Variants in RPTOR observed in about 807,000 individuals in gnomAD.
RPTOR encodes regulatory associated protein of MTOR complex 1, also known as regulatory-associated protein of mTOR.
A neutral mutation model predicts 169.9 loss-of-function variants in RPTOR; 21 were observed. The observed-to-expected ratio is 0.12, with a 90% CI of 0.09 to 0.18. The LOEUF is 0.18. Ranked by LOEUF, RPTOR falls within the 10% of genes least tolerant of loss-of-function variation. The probability of loss-of-function intolerance (pLI) is 1.00; values close to 1 mark genes in which losing one functional copy is unlikely to be tolerated. For missense variants in RPTOR, 1,133 were observed against 1,855.9 expected (o/e 0.61, Z 7.16); for synonymous variants, 732 against 753.2 (o/e 0.97, Z 0.46).
In RPTOR at chr17:80,562,762, A is replaced by G. The variant is rs1432232080; in HGVS notation, c.162+16971A>G. Among the ~76,000 whole-genome samples the G allele has an allele frequency of 6.7e-6, 1 of 149,242 alleles. No individual in the cohort carries two copies. The highest frequency in any genetic ancestry group is 2.5e-5 in the African/African-American group (1 of 40,434). On this transcript the variant is annotated intron_variant, in intron 1 of 33. Coordinates refer to ENST00000306801, the MANE Select transcript of RPTOR (RefSeq NM_020761.3). This position sits in a 1 kb window ranked among gnomAD's most constrained non-coding sequence, Gnocchi z 4.4. ...CTGCGCCACTGCACCCCATCCTGGC[A>G]ACAGAGCAAGACTCTTGTCTCAAAA...
intron 3 of RPTOR, among the ~76,000 whole-genome samples, chr17:80,700,289 T>C (rs895349049): frequency 3.9e-5 from 6 of 152,292 alleles, no homozygotes; most frequent in Middle Eastern, 3.4e-3. Flanking sequence ...GAAGGACCTA[T>C]TGAGTTTTGG....
intron 1 of RPTOR, among the ~76,000 whole-genome samples, chr17:80,559,522 G>A (rs375654292): frequency 4.6e-5 from 7 of 152,206 alleles, no homozygotes; most frequent in Non-Finnish European, 7.3e-5. Context: ...AGCCACGAAC[G>A]TGTGCATTTA....
chr17:80,743,564 G>A, intron 5 of RPTOR: 1 of 502,548 alleles, frequency 2.0e-6, no homozygotes, highest in South Asian at 8.5e-5. Flanking sequence ...GTGCCTGCGT[G>A]GGCTAGAAAT....
At chr17:80,592,292 G>A (rs1046143058) in intron 1 of RPTOR, among the ~76,000 whole-genome samples, 3 of 152,226 alleles carry the variant, frequency 2.0e-5, no homozygotes, top group Non-Finnish European at 4.4e-5. Context: ...CAACTCAGGT[G>A]TGCTAGAGAT....
intron 5 of RPTOR, among the ~76,000 whole-genome samples, chr17:80,735,736 C>T (rs986630037): frequency 1.9e-4 from 29 of 152,066 alleles, no homozygotes; most frequent in Admixed American, 2.0e-4. Context: ...CTCCACTGCC[C>T]CAGTAAGTCT....
intron 6 of RPTOR, among the ~76,000 whole-genome samples, chr17:80,763,616 C>G (rs1423914701): frequency 6.6e-6 from 1 of 152,148 alleles, no homozygotes; most frequent in Non-Finnish European, 1.5e-5. Context: ...AATTAATTAG[C>G]CAGACCTCAC....
At position 80,803,562 on chromosome 17, in the gene RPTOR, GCCAGCTCGTCAGCGGGGCCTCGGGTT is replaced by G. The variant is rs1439204214; in HGVS notation, c.890+12058_890+12083del. 1.3e-5 allele frequency: 2 copies of G among 152,242 alleles called. No homozygotes were observed. Among genetic ancestry groups the G allele is most frequent in the Non-Finnish European group, 2.9e-5 (2 of 68,064 alleles). 9.4% of individuals were successfully genotyped at this position (152,242 alleles called of 1,614,324 possible). On this transcript the variant is annotated intron_variant, in intron 7 of 33. Coordinates refer to ENST00000306801, the MANE Select transcript of RPTOR (RefSeq NM_020761.3). This position sits in a 1 kb window ranked among gnomAD's most constrained non-coding sequence, Gnocchi z 6.2. ...GATGCCAGTATGTTTTGCGTGAGTGGCCAGCTCGTCAGCGGGGCCTCGGGTTCCAGGCTCGAGCGCACTTTTCAGAC... is the reference window on the plus strand; with the variant it reads ...GATGCCAGTATGTTTTGCGTGAGTGGCCAGGCTCGAGCGCACTTTTCAGAC...
intron 5 of RPTOR, among the ~76,000 whole-genome samples, chr17:80,737,592 C>T (rs1442892384): frequency 6.6e-6 from 1 of 152,166 alleles, no homozygotes; most frequent in Non-Finnish European, 1.5e-5. Flanking sequence ...TTCCACTTCC[C>T]TTCTCTGCAT....
chr17:80,551,907 G>A (rs2084350650), intron 1 of RPTOR, among the ~76,000 whole-genome samples: 1 of 151,970 alleles, frequency 6.6e-6, no homozygotes. Context: ...CTGGGTACTT[G>A]AGATTAGGGA....
chr17:80,747,647 G>A (rs2066588860), intron 5 of RPTOR, among the ~76,000 whole-genome samples: 1 of 152,244 alleles, frequency 6.6e-6, no homozygotes, highest in African/African-American at 2.4e-5. Context: ...TGCATCTCAG[G>A]GTGCAGGCTG....
intron 23 of RPTOR, among the ~76,000 whole-genome samples, chr17:80,924,645 C>T (rs1195756172): frequency 6.6e-6 from 1 of 152,058 alleles, no homozygotes; most frequent in Non-Finnish European, 1.5e-5. Context: ...CCGGCACGTG[C>T]AGCTCACCCA....
At position 80,698,974 on chromosome 17, in the gene RPTOR, C is replaced by G. The variant is rs540628332; in HGVS notation, c.349-8867C>G. ...CCTGGATGTTCAGGCGCCCGTGATTCCCCCAGCATCTGCCTCGAGCTTATG... is the reference window on the plus strand; with the variant it reads ...CCTGGATGTTCAGGCGCCCGTGATTGCCCCAGCATCTGCCTCGAGCTTATG... On this transcript the variant is annotated intron_variant, in intron 3 of 33. Transcript: ENST00000306801. Among the ~76,000 whole-genome samples, 6 of 152,322 alleles carry G rather than the reference C, an allele frequency of 3.9e-5. No individual in the cohort carries two copies. In the South Asian group the frequency reaches 1.2e-3, roughly 32 times the overall value.
rs561655724 is a variant in RPTOR, at chr17:80,788,341, G to A, written c.831-3109G>A. ...TATAAAATTAGCCGGGCATGGTGGC[G>A]GGAGGCTGAGGCAGGAGAATCACTT... On this transcript the variant is annotated intron_variant, in intron 6 of 33. Coordinates refer to ENST00000306801, the MANE Select transcript of RPTOR (RefSeq NM_020761.3). 3.3e-3 allele frequency among the ~76,000 whole-genome samples: 501 copies of A among 152,174 alleles called. 1 individual carries two copies. The highest frequency in any genetic ancestry group is 5.3e-3 in the Non-Finnish European group (363 of 67,996).
chr17:80,850,500 C>T (rs1046522037), intron 11 of RPTOR, among the ~76,000 whole-genome samples: 2 of 152,188 alleles, frequency 1.3e-5, no homozygotes, highest in Non-Finnish European at 2.9e-5. Context: ...AGCTCCGCCT[C>T]CTGGGTTAAA....
intron 4 of RPTOR, among the ~76,000 whole-genome samples, chr17:80,714,710 A>G (rs1440940375): frequency 6.6e-6 from 1 of 152,216 alleles, no homozygotes; most frequent in Non-Finnish European, 1.5e-5. Context: ...ACATTTTAGA[A>G]ATATATTTAA....
intron 1 of RPTOR, among the ~76,000 whole-genome samples, chr17:80,594,917 G>A (rs1489017263): frequency 6.6e-6 from 1 of 152,142 alleles, no homozygotes; most frequent in Admixed American, 6.5e-5. Context: ...GCATATTTCA[G>A]AGGTTAGAGA....
chr17:80,774,366 C>G, intron 6 of RPTOR: 2 of 984,462 alleles, frequency 2.0e-6, no homozygotes, highest in African/African-American at 3.5e-5. Context: ...TTTCACAATC[C>G]ACAGAGTATT....
In RPTOR at chr17:80,555,609, C is replaced by T. The variant is rs540045564; in HGVS notation, c.162+9818C>T. Among the ~76,000 whole-genome samples, 9 of 152,268 alleles carry T rather than the reference C, an allele frequency of 5.9e-5. 1 individual carries two copies. The East Asian group carries it at 7.7e-4, about 13-fold the overall frequency. On this transcript the variant is annotated intron_variant, in intron 1 of 33. Transcript: ENST00000306801. ...GACACGGTAGCACCAAATTACAATA[C>T]GCAAGTATAGGTATCAATCATAGTA...
rs2069400842 is a variant in RPTOR, at chr17:80,964,563, A to T, written c.*233A>T. The T allele has an allele frequency of 1.7e-6, 1 of 575,550 alleles. No individual in the cohort carries two copies. The highest frequency in any genetic ancestry group is 3.1e-6 in the Non-Finnish European group (1 of 320,484). 35.7% of individuals were successfully genotyped at this position (575,550 alleles called of 1,614,324 possible). ...GGTTGACGGTGGCTTCCCACTGAGC[A>T]CCAGCATCCAGGTGCACCCCCGCGG... is the stretch of plus-strand genomic sequence containing the variant. On this transcript the variant is annotated 3_prime_UTR_variant, in exon 34 of 34. Transcript: ENST00000306801.
Sources: gnomAD v4.1 joint callset for allele counts (sites outside exome capture counted in the v4.1 genomes callset) on GRCh38, gnomAD v4.1.1 for gene constraint, Gnocchi (gnomAD v3.1) non-coding constraint, MANE v1.5 for transcripts, NCBI Gene and HGNC (gene_info 2026-07-23, HGNC 2026-07-21) for gene names.